The following RHBDF2 variants were observed in gnomAD, a reference collection of about 807,000 sequenced individuals.
RHBDF2 encodes rhomboid 5 homolog 2.
Under a neutral mutation model 95.2 loss-of-function variants are expected in RHBDF2, and 38 were observed. The ratio of observed to expected loss-of-function variants is 0.40; its 90% CI spans 0.31 to 0.52. RHBDF2 has a LOEUF of 0.52. Ranked by LOEUF, RHBDF2 falls within the 20% of genes least tolerant of loss-of-function variation. RHBDF2 has a pLI of 0.56. For missense variants in RHBDF2, 863 were observed against 1,137.7 expected (o/e 0.76, Z 3.47); for synonymous variants, 442 against 462.0 (o/e 0.96, Z 0.55).
chr17:76,498,363 T>C (rs575769076), intron 1 of RHBDF2, among the ~76,000 whole-genome samples: 1 of 152,174 alleles, frequency 6.6e-6, no homozygotes, highest in South Asian at 2.1e-4. Flanking sequence ...CTGGGGCAGA[T>C]GGGGCAGCGC....
At position 76,492,508 on chromosome 17, in the gene RHBDF2, C is replaced by CAG. The variant is rs568217866; in HGVS notation, c.-219-4601_-219-4600dup. ...AGGCCACCCCCAGGGAGGTCCCCAA[C>CAG]AGCTCTACCAGCCAGTCCAGGCAGG... On this transcript the variant is annotated intron_variant, in intron 1 of 18. Coordinates refer to ENST00000675367, the MANE Select transcript of RHBDF2 (RefSeq NM_001005498.4). 4.1e-3 allele frequency among the ~76,000 whole-genome samples: 630 copies of CAG among 152,328 alleles called. 1 individual carries two copies. Among genetic ancestry groups the CAG allele is most frequent in the African/African-American group, 0.013 (560 of 41,554 alleles).
intron 1 of RHBDF2, among the ~76,000 whole-genome samples, chr17:76,491,978 C>T (rs2074313532): frequency 6.6e-6 from 1 of 152,206 alleles, no homozygotes; most frequent in Admixed American, 6.5e-5. Context: ...TCCTGGCCCG[C>T]AGTCACATCC....
intron 18 of RHBDF2, 29 bp from the exon 19 acceptor site, chr17:76,472,081 C>A: frequency 6.5e-7 from 1 of 1,529,044 alleles, no homozygotes. Flanking sequence ...GACGTGGCTT[C>A]AGGCATCAGG....
rs759266767 is a variant in RHBDF2 at position 76,479,836 on chromosome 17, A to G, written c.169T>C (p.Leu57=). 42 of 1,612,978 alleles carry G rather than the reference A, an allele frequency of 2.6e-5. No homozygotes were observed. Among genetic ancestry groups the G allele is most frequent in the Non-Finnish European group, 3.4e-5 (40 of 1,179,760 alleles). The change falls in exon 4 of 19, where the codon TTG becomes CTG. Residue 57 remains leucine, a synonymous_variant. Coordinates refer to ENST00000675367, the MANE Select transcript of RHBDF2 (RefSeq NM_001005498.4). ...MLPERKNPAY[L]KSVSLQEPRS... The stretch of plus-strand genomic sequence containing the variant: ...GGCTCCTGGAGGCTGACGCTCTTCA[A>G]GTAGGCTGGGTTCTTCCTCTTGGGG...
chr17:76,481,314 G>A (rs1598673758), intron 3 of RHBDF2, 61 bp downstream of exon 3: 14 of 1,539,444 alleles, frequency 9.1e-6, no homozygotes, highest in Middle Eastern at 1.9e-4. Context: ...ACCAGAAAGT[G>A]TCACGTGGGT....
chr17:76,486,254 C>A (rs919081295), intron 2 of RHBDF2, among the ~76,000 whole-genome samples: 3 of 152,104 alleles, frequency 2.0e-5, no homozygotes, highest in Middle Eastern at 3.2e-3. Context: ...GGACTACAGG[C>A]GCAAGCCACC....
At chr17:76,482,537 G>A (rs534965084) in intron 2 of RHBDF2, among the ~76,000 whole-genome samples, 1 of 152,302 alleles carries the variant, frequency 6.6e-6, no homozygotes, top group South Asian at 2.1e-4. Context: ...ACTTTGGGAG[G>A]CCGAGGTAGG....
intron 12 of RHBDF2, 24 bp downstream of exon 12, chr17:76,474,349 G>T (rs781358082): frequency 1.2e-6 from 2 of 1,606,118 alleles, no homozygotes; most frequent in East Asian, 2.2e-5. Flanking sequence ...TCTGGCAGGG[G>T]TAGGAGGGAG....
At chr17:76,485,628 C>T (rs1052814995) in intron 2 of RHBDF2, among the ~76,000 whole-genome samples, 24 of 152,280 alleles carry the variant, frequency 1.6e-4, no homozygotes, top group African/African-American at 5.3e-4. Context: ...TGGCTTCACA[C>T]ACTGAAGCAC....
chr17:76,486,520 CTGAGCAACATAG>C, intron 2 of RHBDF2, among the ~76,000 whole-genome samples: 1 of 151,990 alleles, frequency 6.6e-6, no homozygotes, highest in Middle Eastern at 3.2e-3. Context: ...CAAGACCAGC[CTGAGCAACATAG>C]TGAGATCCCA....
chr17:76,490,897 C>A (rs59121268), intron 1 of RHBDF2, among the ~76,000 whole-genome samples: 2 of 152,134 alleles, frequency 1.3e-5, no homozygotes, highest in African/African-American at 4.8e-5. Flanking sequence ...CAGCATCTCG[C>A]GGATTTACCT....
chr17:76,494,390 C>T lies in RHBDF2; in HGVS notation c.-219-6481G>A, dbSNP rs564122316. Among the ~76,000 whole-genome samples the T allele has an allele frequency of 3.4e-3, 515 of 152,318 alleles. 2 individuals are homozygous for T. The highest frequency in any genetic ancestry group is 0.011 in the African/African-American group (454 of 41,562). On this transcript the variant is annotated intron_variant, in intron 1 of 18. Coordinates refer to ENST00000675367, the MANE Select transcript of RHBDF2 (RefSeq NM_001005498.4). ...AGGAGGTGGCAGTGCAGCCAGGCCT[C>T]GAGCTGGACACAGCGCTGGGCCCCA...
intron 2 of RHBDF2, among the ~76,000 whole-genome samples, chr17:76,483,434 C>T (rs749828473): frequency 5.3e-5 from 8 of 152,020 alleles, no homozygotes; most frequent in Admixed American, 2.6e-4. Flanking sequence ...TACGGGCATG[C>T]GCCACCACGC....
chr17:76,474,622 C>G (rs1164386691), intron 11 of RHBDF2, 88 bp from the exon 12 acceptor site: 2 of 1,611,590 alleles, frequency 1.2e-6, no homozygotes, highest in Admixed American at 3.3e-5. Context: ...CGCAGAGTCT[C>G]CCCTGATGAG....
intron 9 of RHBDF2, chr17:76,476,603 G>A (rs2144106194): frequency 1.0e-5 from 6 of 576,624 alleles, no homozygotes. Context: ...TGGGGACCAG[G>A]CTCAGAAAGC....
chr17:76,493,516 T>C (rs1306696529), intron 1 of RHBDF2, among the ~76,000 whole-genome samples: 1 of 147,106 alleles, frequency 6.8e-6, no homozygotes, highest in African/African-American at 2.6e-5. Flanking sequence ...GGGGGCAGAA[T>C]TTGGGGAGAG....
At chr17:76,476,562 T>G in intron 9 of RHBDF2, 1 of 471,196 alleles carries the variant, frequency 2.1e-6, no homozygotes, top group Non-Finnish European at 3.8e-6. Flanking sequence ...CAATGAACAT[T>G]TGTTGACTGA....
chr17:76,490,476 A>G (rs1476118494), intron 1 of RHBDF2, among the ~76,000 whole-genome samples: 1 of 152,150 alleles, frequency 6.6e-6, no homozygotes, highest in Admixed American at 6.5e-5. Flanking sequence ...GGACCTCTGC[A>G]AGAAAAGTTC....
chr17:76,498,866 C>CTGTGTGTG (rs1390105538), intron 1 of RHBDF2, among the ~76,000 whole-genome samples: 48 of 128,524 alleles, frequency 3.7e-4, no homozygotes, highest in African/African-American at 1.3e-3. Flanking sequence ...CTCTGTGTGT[C>CTGTGTGTG]TGTTTGTGTG....
Sources: gnomAD v4.1 joint callset for allele counts (sites outside exome capture counted in the v4.1 genomes callset) on GRCh38, gnomAD v4.1.1 for gene constraint, MANE v1.5 for transcripts, NCBI Gene and HGNC (gene_info 2026-07-23, HGNC 2026-07-21) for gene names.